The following PTPRD variants were observed in gnomAD, a reference collection of about 807,000 sequenced individuals.
The protein encoded by PTPRD is protein tyrosine phosphatase receptor type D, also known as receptor-type tyrosine-protein phosphatase delta.
A neutral mutation model predicts 214.5 loss-of-function variants in PTPRD; 34 were observed. The observed-to-expected ratio is 0.16, with a 90% confidence interval of 0.12 to 0.21. The LOEUF is 0.21. Among genes scored for constraint, PTPRD ranks in the 10% least tolerant of loss-of-function variants. PTPRD has a pLI of 1.00. For synonymous variants in PTPRD, 1,128 were observed against 845.7 expected, an observed-to-expected ratio of 1.33 and a Z score of -5.79; for missense variants, 2,545 against 2,398.7, an observed-to-expected ratio of 1.06 and a Z score of -1.27.
At position 9,162,632 on chromosome 9, in the gene PTPRD, A is replaced by G. The variant is rs576081964; in HGVS notation, c.-143+20672T>C. Among the ~76,000 whole-genome samples the G allele has an allele frequency of 2.2e-4, 33 of 152,206 alleles. No homozygotes were observed. The South Asian group carries it at 6.0e-3, about 28-fold the overall frequency. On this transcript the variant is annotated intron_variant, in intron 10 of 45. Transcript: ENST00000381196. Reference sequence around the variant, plus strand: ...GCATCTCCATTTTCTCCACTTCTGGAGGAATCTCATTAGAATTTCATCATG... The same window carrying G: ...GCATCTCCATTTTCTCCACTTCTGGGGGAATCTCATTAGAATTTCATCATG...
At position 8,994,722 on chromosome 9, in the gene PTPRD, A is replaced by G. The variant is rs571437073; in HGVS notation, c.-104+23975T>C. Among the ~76,000 whole-genome samples the G allele has an allele frequency of 2.6e-4, 40 of 152,126 alleles. 2 individuals carry two copies. The South Asian group carries it at 7.5e-3, about 28-fold the overall frequency. ...AGTGAGGGAAGGCAAGGGAAAAAGC[A>G]TGAATAAAGAAGAGTGAAGAATTTA... On this transcript the variant is annotated intron_variant, in intron 11 of 45. Transcript: ENST00000381196.
chr9:9,484,490 G>A (rs1204217092), intron 8 of PTPRD, among the ~76,000 whole-genome samples: 26 of 152,066 alleles, frequency 1.7e-4, no homozygotes. Context: ...GGATGTCTAC[G>A]TATGCAAACA....
chr9:9,977,805 C>G (rs1365699388), intron 4 of PTPRD, among the ~76,000 whole-genome samples: 1 of 151,836 alleles, frequency 6.6e-6, no homozygotes, highest in Non-Finnish European at 1.5e-5. Context: ...ATAATTCAAC[C>G]AAAGCCGGTT....
chr9:9,489,087 T>C (rs2095789589), intron 8 of PTPRD, among the ~76,000 whole-genome samples: 1 of 152,106 alleles, frequency 6.6e-6, no homozygotes, highest in South Asian at 2.1e-4. Context: ...TTTTCTCTTT[T>C]AAAAGCCTTA....
chr9:10,605,219 G>T (rs988820433), intron 2 of PTPRD, among the ~76,000 whole-genome samples: 1 of 151,642 alleles, frequency 6.6e-6, no homozygotes, highest in Admixed American at 6.6e-5. Context: ...ATTTTTCTCT[G>T]TCTATTCTCT....
At chr9:8,467,833 C>T (rs1254194670) in intron 31 of PTPRD, among the ~76,000 whole-genome samples, 1 of 151,750 alleles carries the variant, frequency 6.6e-6, no homozygotes, top group East Asian at 1.9e-4. Flanking sequence ...ATTGAAGCAT[C>T]ATTACACAGC....
At chr9:8,996,760 C>T (rs1044553826) in intron 11 of PTPRD, among the ~76,000 whole-genome samples, 2 of 151,940 alleles carry the variant, frequency 1.3e-5, no homozygotes, top group Non-Finnish European at 2.9e-5. Context: ...ACAGGCTGAG[C>T]CTCATGGCCT....
chr9:8,854,793 A>G (rs2097884421), intron 11 of PTPRD, among the ~76,000 whole-genome samples: 1 of 152,142 alleles, frequency 6.6e-6, no homozygotes, highest in Non-Finnish European at 1.5e-5. Flanking sequence ...CACATCATCA[A>G]TCTATGCCTA....
intron 4 of PTPRD, among the ~76,000 whole-genome samples, chr9:10,002,742 G>A (rs2096360086): frequency 6.7e-6 from 1 of 150,088 alleles, no homozygotes; most frequent in Non-Finnish European, 1.5e-5. Context: ...CAATATGTAG[G>A]TACTGTCATA....
At chr9:10,390,843 T>C (rs1296900378) in intron 2 of PTPRD, among the ~76,000 whole-genome samples, 1 of 151,792 alleles carries the variant, frequency 6.6e-6, no homozygotes, top group Non-Finnish European at 1.5e-5. Context: ...CTAAGACATT[T>C]AATATGGATC....
At chr9:9,881,262 G>A (rs1366218729) in intron 5 of PTPRD, among the ~76,000 whole-genome samples, 1 of 151,952 alleles carries the variant, frequency 6.6e-6, no homozygotes, top group African/African-American at 2.4e-5. Context: ...TCATCTTTTG[G>A]ATACATATCT....
chr9:10,268,023 A>G (rs970184540), intron 3 of PTPRD, among the ~76,000 whole-genome samples: 1 of 152,014 alleles, frequency 6.6e-6, no homozygotes, highest in Non-Finnish European at 1.5e-5. Flanking sequence ...GCTCATCCCT[A>G]TAATCCCAGT....
intron 8 of PTPRD, among the ~76,000 whole-genome samples, chr9:9,572,310 T>G (rs182489426): frequency 2.6e-5 from 4 of 151,362 alleles, no homozygotes; most frequent in African/African-American, 9.7e-5. Flanking sequence ...ACTTCCATAA[T>G]TGGCTATGGT....
At chr9:9,025,359 T>C (rs961395315) in intron 10 of PTPRD, among the ~76,000 whole-genome samples, 12 of 152,026 alleles carry the variant, frequency 7.9e-5, no homozygotes, top group African/African-American at 2.7e-4. Flanking sequence ...TTAATGTTGA[T>C]GTCATTGTAT....
intron 5 of PTPRD, among the ~76,000 whole-genome samples, chr9:9,812,829 A>G (rs1447769821): frequency 6.6e-6 from 1 of 152,162 alleles, no homozygotes; most frequent in Non-Finnish European, 1.5e-5. Flanking sequence ...AGCAGAAGAC[A>G]CATTCTTCTC....
At chr9:8,375,522 A>G (rs947553364) in intron 39 of PTPRD, among the ~76,000 whole-genome samples, 6 of 151,902 alleles carry the variant, frequency 3.9e-5, no homozygotes, top group African/African-American at 1.5e-4. Flanking sequence ...ATGATATATT[A>G]TTATTTTGTT....
rs377563374 is a variant in PTPRD at position 9,104,903 on chromosome 9, A to G, written c.-143+78401T>C. ...ACAAACAAACTGGTGGCTGGATTCC[A>G]GTGTGATAAGTGTGAGATAGGAAAA... On this transcript the variant is annotated intron_variant, in intron 10 of 45. Coordinates refer to ENST00000381196, the MANE Select transcript of PTPRD (RefSeq NM_002839.4). Among the ~76,000 whole-genome samples the G allele has an allele frequency of 1.2e-4, 18 of 152,322 alleles. No individual in the cohort carries two copies. The South Asian group carries it at 3.7e-3, about 32-fold the overall frequency.
At chr9:9,144,643 C>T (rs754710378) in intron 10 of PTPRD, among the ~76,000 whole-genome samples, 1 of 152,056 alleles carries the variant, frequency 6.6e-6, no homozygotes, top group Admixed American at 6.6e-5. Context: ...ATCCCAGCTA[C>T]TCCGGAGGTT....
At chr9:9,348,866 A>C (rs1334756473) in intron 9 of PTPRD, among the ~76,000 whole-genome samples, 1 of 152,026 alleles carries the variant, frequency 6.6e-6, no homozygotes, top group Admixed American at 6.6e-5. Context: ...GTACTACAAC[A>C]ATCTGTGTGC....
Sources: gnomAD v4.1 joint callset for allele counts (sites outside exome capture counted in the v4.1 genomes callset) on GRCh38, gnomAD v4.1.1 for gene constraint, MANE v1.5 for transcripts, NCBI Gene and HGNC (gene_info 2026-07-23, HGNC 2026-07-21) for gene names.